GPHN: variants seen among roughly 807,000 people sequenced by gnomAD.
The protein encoded by GPHN is gephyrin.
GPHN carries 17 observed loss-of-function variants against 95.5 expected under a neutral mutation model. The ratio of observed to expected loss-of-function variants is 0.18; its 90% confidence interval spans 0.12 to 0.27. The LOEUF (loss-of-function observed/expected upper bound fraction) is 0.27. Ranked by LOEUF, GPHN falls within the 10% of genes least tolerant of loss-of-function variation. The pLI, the probability that GPHN is intolerant of heterozygous loss-of-function variation, is 1.00. For synonymous variants in GPHN, 320 were observed against 322.5 expected (o/e 0.99, Z 0.08); for missense variants, 660 against 978.1 (o/e 0.67, Z 4.34).
the GPHN span, chr14:67,447,980 A>T: frequency 6.6e-6 from 1 of 152,262 alleles, no homozygotes; most frequent in Non-Finnish European, 1.5e-5. Flanking sequence ...AGGATCTTAG[A>T]TCCCTGAATC....
the GPHN span, among the ~76,000 whole-genome samples, chr14:67,393,793 C>T: frequency 5.3e-5 from 8 of 152,100 alleles, no homozygotes; most frequent in Non-Finnish European, 1.2e-4. Flanking sequence ...ACGGTGTTCC[C>T]ATAGCACGGC....
At chr14:67,165,800 TC>T (rs1344499660) in intron 20 of GPHN, among the ~76,000 whole-genome samples, 2 of 152,154 alleles carry the variant, frequency 1.3e-5, no homozygotes, top group Non-Finnish European at 2.9e-5. Context: ...CCCACCCTTG[TC>T]CCAACGTGAG....
chr14:67,413,352 T>G, the GPHN span, among the ~76,000 whole-genome samples: 1 of 152,194 alleles, frequency 6.6e-6, no homozygotes, highest in East Asian at 1.9e-4. Context: ...TCCTCCTGCC[T>G]CAGCCTCCCA....
At chr14:67,715,637 A>G in the GPHN span, among the ~76,000 whole-genome samples, 5 of 152,316 alleles carry the variant, frequency 3.3e-5, no homozygotes, top group South Asian at 4.1e-4. Flanking sequence ...TCAGTCCCCA[A>G]TGCCAAGTTC....
chr14:67,412,005 G>T, the GPHN span: 1 of 1,545,806 alleles, frequency 6.5e-7, no homozygotes, highest in Non-Finnish European at 8.7e-7. Flanking sequence ...CCCGAAGCTC[G>T]ACGCGCACTC....
intron 11 of GPHN, among the ~76,000 whole-genome samples, chr14:67,081,276 T>G (rs2076683862): frequency 1.3e-5 from 2 of 152,216 alleles, no homozygotes; most frequent in African/African-American, 2.4e-5. Flanking sequence ...ACATCTATTA[T>G]TCTTTTATTT....
chr14:67,676,462 C>T, the GPHN span, among the ~76,000 whole-genome samples: 4 of 151,854 alleles, frequency 2.6e-5, no homozygotes, highest in East Asian at 1.9e-4. Context: ...CCGGGTGCTG[C>T]GGCTCACACC....
the GPHN span, among the ~76,000 whole-genome samples, chr14:67,658,367 G>A: frequency 1.3e-5 from 2 of 152,076 alleles, no homozygotes; most frequent in Non-Finnish European, 2.9e-5. Context: ...GGCCGAGACG[G>A]GTGGATCACA....
At chr14:66,518,485 C>T (rs895717394) in intron 1 of GPHN, among the ~76,000 whole-genome samples, 6 of 152,092 alleles carry the variant, frequency 3.9e-5, no homozygotes, top group Non-Finnish European at 7.4e-5. Context: ...TTTCACCACT[C>T]GGCACTTACC....
At chr14:66,614,596 T>C (rs1285738692) in intron 1 of GPHN, among the ~76,000 whole-genome samples, 1 of 146,502 alleles carries the variant, frequency 6.8e-6, no homozygotes, top group Non-Finnish European at 1.5e-5. Context: ...TTTTTTTGCC[T>C]ATTGTGATGT....
intron 10 of GPHN, among the ~76,000 whole-genome samples, chr14:67,031,341 A>G (rs2074187494): frequency 6.6e-6 from 1 of 152,156 alleles, no homozygotes; most frequent in Non-Finnish European, 1.5e-5. Context: ...TTTTTAGAAA[A>G]AAATTTCTGT....
At chr14:66,918,550 A>G (rs563125731) in intron 6 of GPHN, among the ~76,000 whole-genome samples, 1 of 152,324 alleles carries the variant, frequency 6.6e-6, no homozygotes, top group Non-Finnish European at 1.5e-5. Context: ...ATGAAAGTCC[A>G]TGTTTACTGC....
intron 19 of GPHN, among the ~76,000 whole-genome samples, chr14:67,164,812 G>T (rs2082180758): frequency 6.6e-6 from 1 of 151,824 alleles, no homozygotes; most frequent in South Asian, 2.1e-4. Context: ...TTTTAAGAAT[G>T]ATTGTTGTAA....
At chr14:67,585,879 C>T in the GPHN span, 1 of 1,481,594 alleles carries the variant, frequency 6.7e-7, no homozygotes. Context: ...CTAGAAGAGA[C>T]AGGGGATGCT....
At chr14:67,238,269 C>CTTTTTTTTTTT in the GPHN span, among the ~76,000 whole-genome samples, 2 of 125,250 alleles carry the variant, frequency 1.6e-5, no homozygotes, top group African/African-American at 3.2e-5. Flanking sequence ...TTCTTGCTTT[C>CTTTTTTTTTTT]TTTTTTTTTT....
At chr14:66,994,988 G>A (rs1433400699) in intron 9 of GPHN, among the ~76,000 whole-genome samples, 1 of 152,040 alleles carries the variant, frequency 6.6e-6, no homozygotes, top group African/African-American at 2.4e-5. Context: ...GCTATGCTTG[G>A]CACTGGAAAT....
chr14:67,320,533 T>G, the GPHN span: 1 of 772,014 alleles, frequency 1.3e-6, no homozygotes, highest in Non-Finnish European at 1.9e-6. Context: ...TAACCAAAGA[T>G]TTTGACAATT....
the GPHN span, chr14:67,347,280 T>C: frequency 3.7e-5 from 27 of 733,288 alleles, no homozygotes; most frequent in Non-Finnish European, 6.2e-5. Context: ...GTCCTGACTA[T>C]ATCAAATAAG....
At chr14:67,573,304 T>C in the GPHN span, 12 of 1,613,512 alleles carry the variant, frequency 7.4e-6, no homozygotes, top group Non-Finnish European at 1.0e-5. The surrounding 1 kb of genome is among the most constrained non-coding windows in gnomAD (Gnocchi z 4.8). Context: ...GGCTACCTGC[T>C]GAAAATGGGG....
Sources: gnomAD v4.1 joint callset for allele counts (sites outside exome capture counted in the v4.1 genomes callset) on GRCh38, gnomAD v4.1.1 for gene constraint, Gnocchi (gnomAD v3.1) non-coding constraint, MANE v1.5 for transcripts, NCBI Gene and HGNC (gene_info 2026-07-23, HGNC 2026-07-21) for gene names.